The following DLG2 variants were observed in gnomAD, a reference collection of about 807,000 sequenced individuals.
The protein encoded by DLG2 is discs large MAGUK scaffold protein 2, also known as disks large homolog 2.
In DLG2, 45 loss-of-function variants were observed where a neutral mutation model predicts 132.5. The observed-to-expected ratio is 0.34, with a 90% CI of 0.27 to 0.44. The LOEUF (loss-of-function observed/expected upper bound fraction) is 0.44, where lower values mean the gene tolerates loss of function less well. Ranked by LOEUF, DLG2 falls within the 20% of genes least tolerant of loss-of-function variation. The pLI, the probability that DLG2 is intolerant of heterozygous loss-of-function variation, is 1.00. For missense variants in DLG2, 1,045 were observed against 1,196.9 expected (o/e 0.87, Z 1.87); for synonymous variants, 424 against 419.6 (o/e 1.01, Z -0.13).
chr11:84,238,640 CT>C (rs1430637492), intron 8 of DLG2, among the ~76,000 whole-genome samples: 1 of 145,986 alleles, frequency 6.8e-6, no homozygotes. Flanking sequence ...TTAGTATTTG[CT>C]TTTTTTTTTT....
At chr11:83,621,267 T>C (rs1014231183) in intron 19 of DLG2, among the ~76,000 whole-genome samples, 10 of 152,190 alleles carry the variant, frequency 6.6e-5, no homozygotes, top group Middle Eastern at 3.2e-3. Flanking sequence ...CGCCATGATT[T>C]TTTTTTTCTT....
chr11:84,128,616 G>A (rs920050071), intron 9 of DLG2, among the ~76,000 whole-genome samples: 6 of 151,704 alleles, frequency 4.0e-5, no homozygotes, highest in African/African-American at 7.2e-5. Flanking sequence ...AAATTTTTTC[G>A]GTCTGCATTG....
rs1283230369 is a variant in DLG2 at position 84,391,979 on chromosome 11, C to T, written c.520-140688G>A. 2.6e-5 allele frequency among the ~76,000 whole-genome samples: 4 copies of T among 152,106 alleles called. No homozygotes were observed. The East Asian group carries it at 7.7e-4, about 29-fold the overall frequency. Reference sequence around the variant, plus strand: ...AAATGAAGAAACAGCTTCACTTATCCAGTCATCCTCTCTGAATCTCAGCTT... The same window carrying T: ...AAATGAAGAAACAGCTTCACTTATCTAGTCATCCTCTCTGAATCTCAGCTT... On this transcript the variant is annotated intron_variant, in intron 7 of 27. Transcript: ENST00000376104.
intron 7 of DLG2, among the ~76,000 whole-genome samples, chr11:84,506,099 G>A (rs1040737125): frequency 1.9e-4 from 10 of 51,790 alleles, no homozygotes; most frequent in Admixed American, 1.2e-3. Flanking sequence ...TTTTTGAGAC[G>A]GAGTCTAGCT....
intron 3 of DLG2, among the ~76,000 whole-genome samples, chr11:85,580,555 G>A (rs184111963): frequency 7.3e-4 from 111 of 152,334 alleles, no homozygotes; most frequent in African/African-American, 2.6e-3. Flanking sequence ...AGTGAGAAAT[G>A]CAATACACAT....
At chr11:83,827,595 C>T (rs146976662) in intron 17 of DLG2, among the ~76,000 whole-genome samples, 74 of 152,240 alleles carry the variant, frequency 4.9e-4, no homozygotes, top group African/African-American at 1.7e-3. Flanking sequence ...AAGTCCATAT[C>T]AAGAATGAGC....
chr11:84,392,298 G>A (rs531077812), intron 7 of DLG2, among the ~76,000 whole-genome samples: 6 of 152,244 alleles, frequency 3.9e-5, no homozygotes, highest in South Asian at 2.1e-4. Context: ...AGCCAGAGAC[G>A]TAGTGCAATA....
At chr11:83,867,810 C>A (rs997521166) in intron 16 of DLG2, among the ~76,000 whole-genome samples, 1 of 152,168 alleles carries the variant, frequency 6.6e-6, no homozygotes, top group African/African-American at 2.4e-5. Flanking sequence ...TATTTCCTAG[C>A]TCTCCATAGT....
chr11:84,200,335 AG>A (rs2096575952), intron 8 of DLG2, among the ~76,000 whole-genome samples: 1 of 152,156 alleles, frequency 6.6e-6, no homozygotes, highest in Non-Finnish European at 1.5e-5. Flanking sequence ...TTGGAATTTC[AG>A]ATTTACAGAA....
At chr11:85,250,461 TCC>T (rs2076343696) in intron 4 of DLG2, among the ~76,000 whole-genome samples, 1 of 152,184 alleles carries the variant, frequency 6.6e-6, no homozygotes, top group South Asian at 2.1e-4. Context: ...AAGAAGTTAA[TCC>T]TTTTAAAAGT....
At chr11:84,880,311 G>T (rs1443495053) in intron 6 of DLG2, among the ~76,000 whole-genome samples, 3 of 152,000 alleles carry the variant, frequency 2.0e-5, no homozygotes. Flanking sequence ...CTTAAAACAT[G>T]AATAATTTCC....
chr11:84,528,614 G>A lies in DLG2; in HGVS notation c.519+5956C>T, dbSNP rs188206404. On this transcript the variant is annotated intron_variant, in intron 7 of 27. Transcript: ENST00000376104. The stretch of plus-strand genomic sequence containing the variant: ...CTAGAGTCACATTGTTTTCTCAGTA[G>A]GATTCTGGGGGAAGCATCTGATTAT... Among the ~76,000 whole-genome samples the A allele has an allele frequency of 4.4e-3, 671 of 152,276 alleles. 2 individuals carry two copies. The highest frequency in any genetic ancestry group is 0.016 in the African/African-American group (645 of 41,540).
chr11:85,347,381 A>G (rs1305752132), intron 3 of DLG2, among the ~76,000 whole-genome samples: 4 of 152,156 alleles, frequency 2.6e-5, no homozygotes, highest in Admixed American at 6.5e-5. Context: ...ATTGCAGAAA[A>G]TAAAACAAGA....
intron 3 of DLG2, among the ~76,000 whole-genome samples, chr11:85,289,614 A>G (rs776390638): frequency 2.0e-5 from 3 of 152,206 alleles, no homozygotes; most frequent in Non-Finnish European, 4.4e-5. Context: ...AAAATGTGTT[A>G]AAACATACGC....
At chr11:84,917,954 A>C (rs113875453) in intron 6 of DLG2, among the ~76,000 whole-genome samples, 109 of 152,264 alleles carry the variant, frequency 7.2e-4, no homozygotes, top group African/African-American at 2.6e-3. Flanking sequence ...TATGAGCCAT[A>C]GGTGTTACTC....
At chr11:85,477,642 G>A (rs966803215) in intron 3 of DLG2, among the ~76,000 whole-genome samples, 3 of 152,142 alleles carry the variant, frequency 2.0e-5, no homozygotes, top group Non-Finnish European at 4.4e-5. Flanking sequence ...AGGGCTGATA[G>A]CCTCTACCTA....
intron 3 of DLG2, among the ~76,000 whole-genome samples, chr11:85,403,970 G>C (rs2088465845): frequency 6.6e-6 from 1 of 152,008 alleles, no homozygotes; most frequent in African/African-American, 2.4e-5. Context: ...AGGTGAAGCG[G>C]GGAGAAGAAC....
At chr11:85,599,472 T>C (rs949864230) in intron 2 of DLG2, among the ~76,000 whole-genome samples, 4 of 152,096 alleles carry the variant, frequency 2.6e-5, no homozygotes, top group Non-Finnish European at 4.4e-5. Flanking sequence ...GCGTGCTATC[T>C]TGAAAAGGGG....
intron 16 of DLG2, among the ~76,000 whole-genome samples, chr11:83,855,804 C>T (rs1486590382): frequency 1.3e-5 from 2 of 151,994 alleles, no homozygotes; most frequent in Non-Finnish European, 2.9e-5. Flanking sequence ...CGTGCCACTA[C>T]ACTCCACCTG....
Sources: gnomAD v4.1 joint callset for allele counts (sites outside exome capture counted in the v4.1 genomes callset) on GRCh38, gnomAD v4.1.1 for gene constraint, MANE v1.5 for transcripts, NCBI Gene and HGNC (gene_info 2026-07-23, HGNC 2026-07-21) for gene names.